UPK1B: variants seen among roughly 807,000 people sequenced by gnomAD.
The protein encoded by UPK1B is uroplakin-1b.
UPK1B carries 28 observed loss-of-function variants against 34.2 expected under a neutral mutation model. The observed-to-expected ratio is 0.82, with a 90% CI of 0.61 to 1.12. The LOEUF is 1.12. Ranked by LOEUF, UPK1B falls within the 50% of genes most tolerant of loss-of-function variation. UPK1B has a pLI of 0.00. For missense variants in UPK1B, 325 were observed against 320.9 expected (o/e 1.01, Z -0.10); for synonymous variants, 81 against 110.4 (o/e 0.73, Z 1.67).
chr3:119,196,290 C>T (rs566957053), intron 6 of UPK1B, among the ~76,000 whole-genome samples: 1 of 152,042 alleles, frequency 6.6e-6, no homozygotes, highest in Non-Finnish European at 1.5e-5. Flanking sequence ...TCTTGCCATC[C>T]TTTTCCACCA....
intron 2 of UPK1B, 37 bp from the exon 3 acceptor site, chr3:119,187,738 G>A: frequency 1.3e-6 from 2 of 1,582,666 alleles, no homozygotes; most frequent in Non-Finnish European, 1.7e-6. Flanking sequence ...TCCCAAAGCT[G>A]CACTCCTGAT....
chr3:119,202,061 G>GAGGGA (rs1424207072), intron 7 of UPK1B, among the ~76,000 whole-genome samples: 3 of 152,164 alleles, frequency 2.0e-5, no homozygotes, highest in South Asian at 2.1e-4. Context: ...AAATTCAAAA[G>GAGGGA]AGGGAAGGGA....
intron 1 of UPK1B, 26 bp from the exon 2 acceptor site, chr3:119,186,688 C>T: frequency 1.9e-6 from 3 of 1,573,086 alleles, no homozygotes; most frequent in South Asian, 2.3e-5. Context: ...GAAACTGTAG[C>T]AGTTATTTGG....
intron 1 of UPK1B, among the ~76,000 whole-genome samples, chr3:119,174,817 T>A (rs2077945611): frequency 6.6e-6 from 1 of 151,800 alleles, no homozygotes; most frequent in South Asian, 2.1e-4. Flanking sequence ...AGGAGAAAAA[T>A]TTCTTACTTT....
At chr3:119,198,412 G>C (rs1325858774) in intron 6 of UPK1B, among the ~76,000 whole-genome samples, 1 of 152,212 alleles carries the variant, frequency 6.6e-6, no homozygotes, top group African/African-American at 2.4e-5. Flanking sequence ...CAGTGACTAG[G>C]ATAGAGTGCG....
rs557080777 is a variant in UPK1B, at chr3:119,194,251, C to G, written c.501C>G (p.Asp167Glu). 55 of 1,614,026 alleles carry G rather than the reference C, an allele frequency of 3.4e-5. 1 individual carries two copies. The East Asian group carries it at 9.4e-4, about 27-fold the overall frequency. Reference protein sequence around the residue: ...DNCCGVNGPSDWQKYTSAFRT... With the variant: ...DNCCGVNGPSEWQKYTSAFRT... ...GCTGTGGCGTAAATGGTCCATCAGA[C>G]TGGCAAAAATACACATCTGCCTTCC... is the stretch of plus-strand genomic sequence containing the variant. The change falls in exon 6 of 8, where the codon GAC (aspartate) becomes GAG (glutamate). Residue 167 changes from aspartate (D) to glutamate (E), a missense_variant. Transcript: ENST00000264234.
chr3:119,202,439 G>A (rs1314330537), intron 7 of UPK1B, among the ~76,000 whole-genome samples: 3 of 152,174 alleles, frequency 2.0e-5, no homozygotes, highest in Non-Finnish European at 4.4e-5. Context: ...AGTTATATGG[G>A]TAACACTTAG....
At chr3:119,179,527 T>TTTTTTTTTTTTTGTTGGG (rs1553741698) in intron 1 of UPK1B, among the ~76,000 whole-genome samples, 1 of 131,568 alleles carries the variant, frequency 7.6e-6, no homozygotes, top group African/African-American at 2.8e-5. Context: ...TTTTTTTTTT[T>TTTTTTTTTTTTTGTTGGG]GAGACGGAGT....
rs778319772 is a variant in UPK1B at position 119,187,888 on chromosome 3, C to T, written c.183C>T (p.Ile61=). The change falls in exon 3 of 8, where the codon ATC becomes ATT. Residue 61 remains isoleucine (I), a synonymous_variant. Transcript: ENST00000264234. Reference sequence around the variant, plus strand: ...ATGACATCTATGGGGCTGCCTGGATCGGCATATTTGTGGGCATCTGCCTCT... The same window carrying T: ...ATGACATCTATGGGGCTGCCTGGATTGGCATATTTGTGGGCATCTGCCTCT... ...DNDDIYGAAW[I]GIFVGICLFC... The T allele has an allele frequency of 2.7e-5, 43 of 1,613,954 alleles. No individual in the cohort carries two copies. The highest frequency in any genetic ancestry group is 5.5e-5 in the South Asian group (5 of 91,074).
intron 5 of UPK1B, among the ~76,000 whole-genome samples, chr3:119,191,573 T>A (rs1317722005): frequency 2.0e-5 from 3 of 152,140 alleles, no homozygotes; most frequent in Admixed American, 2.0e-4. Flanking sequence ...TAACTACCAA[T>A]CTGACCTAGC....
At chr3:119,178,163 C>T (rs1252017640) in intron 1 of UPK1B, among the ~76,000 whole-genome samples, 1 of 152,198 alleles carries the variant, frequency 6.6e-6, no homozygotes, top group Non-Finnish European at 1.5e-5. Flanking sequence ...TGAATACACA[C>T]TGAGGAGTTT....
In UPK1B at chr3:119,183,519, C is replaced by T. The variant is rs539574457; in HGVS notation, c.-28-3195C>T. Among the ~76,000 whole-genome samples, 7 of 152,290 alleles carry T rather than the reference C, an allele frequency of 4.6e-5. No individual in the cohort carries two copies. The South Asian group carries it at 1.4e-3, about 32-fold the overall frequency. On this transcript the variant is annotated intron_variant, in intron 1 of 7. Transcript: ENST00000264234. ...TCAGGTGATCTGCCCACCTCAGCCT[C>T]CCAAAGTGCTGGGATTACAGGCGTG...
intron 1 of UPK1B, among the ~76,000 whole-genome samples, chr3:119,177,281 C>T (rs535597829): frequency 3.8e-4 from 58 of 152,224 alleles, no homozygotes; most frequent in African/African-American, 1.3e-3. Context: ...TGGGTAGGCT[C>T]ACAGGTGGGA....
rs540058671 is a variant in UPK1B, at chr3:119,193,810, C to T, written c.469-409C>T. 2.0e-5 allele frequency among the ~76,000 whole-genome samples: 3 copies of T among 152,148 alleles called. No homozygotes were observed. The South Asian group carries it at 6.2e-4, about 32-fold the overall frequency. ...ACATTGTTATATCAATATATTAGTA[C>T]AGTATCAATCATAATTAACATTTAT... On this transcript the variant is annotated intron_variant, in intron 5 of 7. Transcript: ENST00000264234.
At chr3:119,174,553 C>A (rs2077943820) in intron 1 of UPK1B, among the ~76,000 whole-genome samples, 1 of 152,122 alleles carries the variant, frequency 6.6e-6, no homozygotes. Context: ...CTAGTCCAGG[C>A]TGGGCAACAT....
Position 119,199,149 on chromosome 3 carries a change from T to A in UPK1B, c.732+9T>A. Reference sequence around the variant, plus strand: ...CCATTCTCTGCTGGACTGTGAGTATTTCCCAGCACATATTTTATCTGAGAG... The same window carrying A: ...CCATTCTCTGCTGGACTGTGAGTATATCCCAGCACATATTTTATCTGAGAG... On this transcript the variant is annotated intron_variant, in intron 7 of 7. Transcript: ENST00000264234. 6.2e-7 allele frequency: 1 copy of A among 1,613,892 alleles called. No homozygotes were observed.
chr3:119,175,324 G>A (rs914767721), intron 1 of UPK1B, among the ~76,000 whole-genome samples: 39 of 152,072 alleles, frequency 2.6e-4, no homozygotes, highest in South Asian at 1.9e-3. Flanking sequence ...ACCGCACCCG[G>A]CCAAAACTCA....
chr3:119,187,401 C>T (rs116632336), intron 2 of UPK1B, among the ~76,000 whole-genome samples: 406 of 152,304 alleles, frequency 2.7e-3, no homozygotes, highest in African/African-American at 9.5e-3. Flanking sequence ...AGGTTCCTCT[C>T]AGCTGTCATT....
rs372939005 is a variant in UPK1B at position 119,203,989 on chromosome 3, C to T, written c.*22C>T. On this transcript the variant is annotated 3_prime_UTR_variant, in exon 8 of 8. Coordinates refer to ENST00000264234, the MANE Select transcript of UPK1B (RefSeq NM_006952.4). ...TTAAGCATAAAGTGTTGCCACCATA[C>T]CTCCTTCCCCGAGTGACTCTGGATT... The T allele has an allele frequency of 1.9e-6, 3 of 1,612,816 alleles. No homozygotes were observed. The African/African-American group carries it at 4.0e-5, about 22-fold the overall frequency.
Sources: gnomAD v4.1 joint callset for allele counts (sites outside exome capture counted in the v4.1 genomes callset) on GRCh38, gnomAD v4.1.1 for gene constraint, MANE v1.5 for transcripts, NCBI Gene and HGNC (gene_info 2026-07-23, HGNC 2026-07-21) for gene names.